The following DDX18 variants were observed in gnomAD, a reference collection of about 807,000 sequenced individuals.
The protein encoded by DDX18 is DEAD-box helicase 18.
DDX18 carries 23 observed loss-of-function variants against 73.5 expected under a neutral mutation model. The observed-to-expected ratio is 0.31, with a 90% confidence interval of 0.23 to 0.44. The LOEUF is 0.44. DDX18 is among the 20% of genes least tolerant of loss of function. The pLI is 1.00. For synonymous variants in DDX18, 268 were observed against 282.7 expected (o/e 0.95, Z 0.52); for missense variants, 753 against 792.9 (o/e 0.95, Z 0.60).
intron 11 of DDX18, 63 bp from the exon 12 acceptor site, chr2:117,828,886 C>G (rs1454679510): frequency 1.7e-6 from 2 of 1,164,454 alleles, no homozygotes; most frequent in Admixed American, 1.8e-5. Flanking sequence ...TCCCTGTCTT[C>G]AGTACCCAGT....
At position 117,829,351 on chromosome 2, in the gene DDX18, A is replaced by G. The variant is rs755963108; in HGVS notation, c.1755A>G (p.Ser585=). The change falls in exon 13 of 14, where the codon TCA becomes TCG. Residue 585 remains serine, a synonymous_variant. Coordinates refer to ENST00000263239, the MANE Select transcript of DDX18 (RefSeq NM_006773.4). The part of the protein sequence containing the change: ...LHKSAQEAYK[S]YIRAYDSHSL... ...AGTCAGCCCAGGAAGCATATAAGTC[A>G]TACATACGAGCCTATGATTCCCATT... The G allele has an allele frequency of 3.1e-6, 5 of 1,613,896 alleles. No homozygotes were observed. In the Admixed American group the frequency reaches 6.7e-5, roughly 22 times the overall value.
Position 117,825,431 on chromosome 2 carries a change from T to G in DDX18, c.1369-16T>G. The G allele has an allele frequency of 6.2e-7, 1 of 1,605,926 alleles. No individual in the cohort carries two copies. Among genetic ancestry groups the G allele is most frequent in the South Asian group, 1.1e-5 (1 of 90,752 alleles). ...TCAAGATTCCAGCTCTAATGGATGT[T>G]TTTATTTAATTCTAGGGAAAGCAAA... On this transcript the variant is annotated splice_polypyrimidine_tract_variant and intron_variant, in intron 9 of 13. Transcript: ENST00000263239.
At chr2:117,817,805 G>A (rs1679784673) in intron 2 of DDX18, 77 bp downstream of exon 2, 2 of 1,434,712 alleles carry the variant, frequency 1.4e-6, no homozygotes, top group East Asian at 4.6e-5. Flanking sequence ...TATTACTATT[G>A]TGTGCACATG....
chr2:117,824,492 T>C (rs1679892577), intron 7 of DDX18, 77 bp from the exon 8 acceptor site: 1 of 1,244,128 alleles, frequency 8.0e-7, no homozygotes, highest in Non-Finnish European at 1.0e-6. Context: ...TATCTCTACC[T>C]AGAATATTTG....
intron 1 of DDX18, among the ~76,000 whole-genome samples, chr2:117,816,403 G>A (rs1679758495): frequency 6.6e-6 from 1 of 151,026 alleles, no homozygotes; most frequent in Non-Finnish European, 1.5e-5. Flanking sequence ...CTTATTCTAT[G>A]TGATTTTTAT....
intron 7 of DDX18, chr2:117,822,621 A>G (rs1462987540): frequency 1.2e-5 from 2 of 169,580 alleles, no homozygotes; most frequent in Non-Finnish European, 2.5e-5. Context: ...TATAACTAAG[A>G]CCATGGTTTC....
Position 117,822,281 on chromosome 2 carries a change from A to G in DDX18, c.1066+20A>G. ...TGCCAAGTAAGTAGGTAGCATCTGC[A>G]TTTGGTTTGCAAAGTATCTGTTGGA... On this transcript the variant is annotated intron_variant, in intron 7 of 13. Transcript: ENST00000263239. 1 of 1,583,382 alleles carries G rather than the reference A, an allele frequency of 6.3e-7. No homozygotes were observed. The highest frequency in any genetic ancestry group is 8.7e-7 in the Non-Finnish European group (1 of 1,154,784).
rs1679894312 is a variant in DDX18, at chr2:117,824,587, T to G, written c.1085T>G (p.Leu362Arg). Residue 362 changes from leucine (L) to arginine (R), a missense_variant, in exon 8 of 14, where the codon CTC (leucine) becomes CGC (arginine). Physicochemically the swap from Leu to Arg is moderately radical, Grantham distance 102. Coordinates refer to ENST00000263239, the MANE Select transcript of DDX18 (RefSeq NM_006773.4). ...KLLPTRRQTMLFSATQTRKVE... is the reference protein window; with the variant it reads ...KLLPTRRQTMRFSATQTRKVE... ...GTTTCAGCACGTAGACAGACTATGCTCTTTTCTGCCACCCAAACTCGAAAA... is the reference window on the plus strand; with the variant it reads ...GTTTCAGCACGTAGACAGACTATGCGCTTTTCTGCCACCCAAACTCGAAAA... 3.4e-6 allele frequency: 5 copies of G among 1,473,872 alleles called. No individual in the cohort carries two copies. Among genetic ancestry groups the G allele is most frequent in the Non-Finnish European group, 4.5e-6 (5 of 1,113,158 alleles). The allele number at this position is 1,473,872 out of a possible 1,614,324, so 91.3% of individuals were successfully genotyped here.
intron 8 of DDX18, 83 bp from the exon 9 acceptor site, chr2:117,824,857 T>C (rs1374705569): frequency 1.3e-5 from 19 of 1,505,510 alleles, no homozygotes; most frequent in South Asian, 4.0e-5. Context: ...TGTTTATCAG[T>C]GCTCTTGATG....
At chr2:117,825,309 G>T (rs1193560175) in intron 9 of DDX18, 138 bp from the exon 10 acceptor site, 2 of 1,238,252 alleles carry the variant, frequency 1.6e-6, no homozygotes, top group African/African-American at 3.0e-5. Context: ...TCCTTGAGGG[G>T]CTTGCGGAAC....
chr2:117,822,308 G>A (rs1039642314), intron 7 of DDX18, 47 bp downstream of exon 7: 4 of 1,432,528 alleles, frequency 2.8e-6, no homozygotes, highest in African/African-American at 2.8e-5. Context: ...TCTGTTGGAG[G>A]TAGATAAGAG....
At chr2:117,825,301 CT>C in intron 9 of DDX18, 145 bp from the exon 10 acceptor site, 1 of 1,210,428 alleles carries the variant, frequency 8.3e-7, no homozygotes, top group Admixed American at 2.3e-5. Flanking sequence ...CACCATCCTC[CT>C]TGAGGGGCTT....
chr2:117,830,405 C>T (rs531290433), intron 13 of DDX18, among the ~76,000 whole-genome samples, 177 bp from the exon 14 acceptor site: 3 of 152,256 alleles, frequency 2.0e-5, no homozygotes, highest in South Asian at 2.1e-4. Flanking sequence ...TCCACAGTCA[C>T]GTGGCCACTC....
chr2:117,830,507 G>C (rs1036434243), intron 13 of DDX18, 75 bp from the exon 14 acceptor site: 2 of 1,529,792 alleles, frequency 1.3e-6, no homozygotes, highest in Admixed American at 4.4e-5. Context: ...GTTCATGCCG[G>C]TTTTTTTCTC....
chr2:117,821,343 T>C lies in DDX18; in HGVS notation c.650+47T>C, dbSNP rs770051080. The C allele has an allele frequency of 3.2e-6, 5 of 1,566,062 alleles. No homozygotes were observed. The South Asian group carries it at 6.1e-5, about 19-fold the overall frequency. The stretch of plus-strand genomic sequence containing the variant: ...AGATATTGGCATCTATTTTTAGAAC[T>C]AGTAGATGATAAAGAACATACCAGT... On this transcript the variant is annotated intron_variant, in intron 4 of 13. Transcript: ENST00000263239.
chr2:117,824,245 C>G (rs557919987), intron 7 of DDX18: 5 of 181,120 alleles, frequency 2.8e-5, no homozygotes, highest in South Asian at 2.0e-4. Flanking sequence ...GTAGAATTCA[C>G]CAATGGAATC....
Position 117,824,924 on chromosome 2 carries a change from C to T in DDX18, c.1207-16C>T, listed in dbSNP as rs749132970. On this transcript the variant is annotated splice_polypyrimidine_tract_variant and intron_variant, in intron 8 of 13. Coordinates refer to ENST00000263239, the MANE Select transcript of DDX18 (RefSeq NM_006773.4). ...CACTTGGTTCATTTGTATCTGTCTG[C>T]TTAAACGCTTTCTAGGGATATGTTG... 2.8e-5 allele frequency: 45 copies of T among 1,594,958 alleles called. 1 individual carries two copies. Among genetic ancestry groups the T allele is most frequent in the Middle Eastern group, 1.7e-4 (1 of 5,942 alleles).
In DDX18 at chr2:117,817,576, T is replaced by C. The variant is rs141403585; in HGVS notation, c.218T>C (p.Met73Thr). 6 of 1,613,974 alleles carry C rather than the reference T, an allele frequency of 3.7e-6. No homozygotes were observed. Among genetic ancestry groups the C allele is most frequent in the African/African-American group, 1.3e-5 (1 of 75,018 alleles). ...TTATCAGAAACTCAAAATGGAGGCA[T>C]GTCTCAAGAAGCAGTGGGAAATATA... is the stretch of plus-strand genomic sequence containing the variant. The part of the protein sequence containing the change: ...VGLSETQNGG[M>T]SQEAVGNIKV... Residue 73 changes from methionine (M) to threonine (T), a missense_variant, in exon 2 of 14, where the codon ATG (methionine) becomes ACG (threonine). Transcript: ENST00000263239.
At chr2:117,820,330 G>A (rs149130753) in intron 3 of DDX18, among the ~76,000 whole-genome samples, 125 of 152,298 alleles carry the variant, frequency 8.2e-4, no homozygotes, top group Non-Finnish European at 1.5e-3. Flanking sequence ...TTCGCCCCCC[G>A]AGTAAGAAGA....
Sources: allele counts gnomAD v4.1 joint callset (sites outside exome capture counted in the v4.1 genomes callset), GRCh38; gene constraint gnomAD v4.1.1; transcripts MANE v1.5; gene names NCBI Gene and HGNC (gene_info 2026-07-23, HGNC 2026-07-21).